The following SPATA31A1 variants were observed in gnomAD, a reference collection of about 807,000 sequenced individuals.
The protein encoded by SPATA31A1 is spermatogenesis-associated protein 31A1.
For missense variants in SPATA31A1, 579 were observed against 1,476.3 expected (o/e 0.39, Z 9.96); for synonymous variants, 194 against 573.4 (o/e 0.34, Z 9.45).
Position 39,358,709 on chromosome 9 carries a change from G to C in SPATA31A1, c.944G>C (p.Gly315Ala), listed in dbSNP as rs1823389542. 1 of 1,607,782 alleles carries C rather than the reference G, an allele frequency of 6.2e-7. No individual in the cohort carries two copies. Among genetic ancestry groups the C allele is most frequent in the Admixed American group, 1.7e-5 (1 of 59,994 alleles). Residue 315 changes from glycine to alanine, a missense_variant, in exon 4 of 4, where the codon GGT becomes GCT. Gly to Ala is a moderately conservative substitution (Grantham distance 60, BLOSUM62 0). Transcript: ENST00000377647. The part of the protein sequence containing the change: ...HPPETYQMEA[G>A]SLFLLSSDGQ... ...CCAGAGACCTACCAGATGGAAGCTG[G>C]TAGCCTGTTTTTGCTCAGCTCTGAT... is the stretch of plus-strand genomic sequence containing the variant.
chr9:39,361,301 AAAGC>A lies in SPATA31A1; in HGVS notation c.3541_3544del (p.Lys1181GlnfsTer12). 1 of 1,613,056 alleles carries A rather than the reference AAAGC, an allele frequency of 6.2e-7. No individual in the cohort carries two copies. Among genetic ancestry groups the A allele is most frequent in the Non-Finnish European group, 8.5e-7 (1 of 1,179,848 alleles). On this transcript the variant is annotated frameshift_variant, in exon 4 of 4. Coordinates refer to ENST00000377647, the MANE Select transcript of SPATA31A1 (RefSeq NM_001085452.4). LOFTEE classifies it low-confidence loss of function (END_TRUNC). Reference sequence around the variant, plus strand: ...TTTCAGTGGATTTTTTCAAAGAAAAAAAGCAAGCCAGCACCAGTCACTGCTGAGA... The same window carrying A: ...TTTCAGTGGATTTTTTCAAAGAAAAAAAGCCAGCACCAGTCACTGCTGAGA...
chr9:39,357,541 T>C (rs1278739872), intron 2 of SPATA31A1: 1 of 620,714 alleles, frequency 1.6e-6, no homozygotes, highest in African/African-American at 2.0e-5. Context: ...GTGAGGACTG[T>C]GGGGGTGGGG....
Position 39,358,609 on chromosome 9 carries a change from C to A in SPATA31A1, c.844C>A (p.Arg282=). Residue 282 remains arginine (R), a synonymous_variant, in exon 4 of 4, where the codon CGG becomes AGG. Transcript: ENST00000377647. ...GSNSHVSASS[R]WQETARTSCA... ...AAACAGTCATGTTTCTGCCTCCTCC[C>A]GGTGGCAGGAGACTGCCAGAACCTC... 2 of 1,600,686 alleles carry A rather than the reference C, an allele frequency of 1.2e-6. No individual in the cohort carries two copies. Among genetic ancestry groups the A allele is most frequent in the Non-Finnish European group, 1.7e-6 (2 of 1,179,076 alleles).
chr9:39,356,467 A>C (rs1458419161), intron 1 of SPATA31A1, among the ~76,000 whole-genome samples: 18 of 125,718 alleles, frequency 1.4e-4, no homozygotes, highest in Non-Finnish European at 1.3e-4. Context: ...GGTGGACCTC[A>C]TATTGAAAAT....
intron 2 of SPATA31A1, 134 bp from the exon 3 acceptor site, chr9:39,357,624 T>C (rs1823360943): frequency 1.0e-5 from 16 of 1,563,210 alleles, no homozygotes; most frequent in African/African-American, 1.4e-5. Flanking sequence ...GTCGGGGTCA[T>C]GTGGCTTTGG....
At position 39,358,804 on chromosome 9, in the gene SPATA31A1, G is replaced by T. The variant is rs1823391544; in HGVS notation, c.1039G>T (p.Val347Phe). The T allele has an allele frequency of 1.3e-6, 2 of 1,598,286 alleles. No homozygotes were observed. The highest frequency in any genetic ancestry group is 1.9e-4 in the Middle Eastern group (1 of 5,188). The change falls in exon 4 of 4, where the codon GTT becomes TTT. Residue 347 changes from valine (V) to phenylalanine (F), a missense_variant. Physicochemically the swap from Val to Phe is conservative, Grantham distance 50. Coordinates refer to ENST00000377647, the MANE Select transcript of SPATA31A1 (RefSeq NM_001085452.4). ...CAACATTTGGGAAGAAAAAGAAAAT[G>T]TTGGATCATTTACAGATCGAATGAC... ...KVNIWEEKEN[V>F]GSFTDRMTPE...
intron 1 of SPATA31A1, among the ~76,000 whole-genome samples, chr9:39,356,513 T>TA (rs1823330759): frequency 7.0e-6 from 1 of 142,844 alleles, no homozygotes; most frequent in Admixed American, 7.1e-5. Context: ...TGTGTGTGTG[T>TA]ATTTTTATTT....
At position 39,361,748 on chromosome 9, in the gene SPATA31A1, C is replaced by G; in HGVS notation, c.3983C>G (p.Ser1328Cys). The G allele has an allele frequency of 3.7e-6, 6 of 1,612,434 alleles. No individual in the cohort carries two copies. In the South Asian group the frequency reaches 6.6e-5, roughly 18 times the overall value. Reference sequence around the variant, plus strand: ...CCCCTTCAGCACTGGCCGAAGACATCCGGTGCCTCTAGCCACCATCACCAC... The same window carrying G: ...CCCCTTCAGCACTGGCCGAAGACATGCGGTGCCTCTAGCCACCATCACCAC... ...VSPLQHWPKTSGASSHHHHCP... is the reference protein window; with the variant it reads ...VSPLQHWPKTCGASSHHHHCP... Residue 1328 changes from serine to cysteine, a missense_variant, in exon 4 of 4, where the codon TCC (serine) becomes TGC (cysteine). Physicochemically the swap from Ser to Cys is moderately radical, Grantham distance 112. Transcript: ENST00000377647.
In SPATA31A1 at chr9:39,357,945, G is replaced by C. The variant is rs1416747991; in HGVS notation, c.308+127G>C. The C allele has an allele frequency of 2.8e-5, 45 of 1,597,194 alleles. No homozygotes were observed. The Middle Eastern group carries it at 6.9e-4, about 24-fold the overall frequency. On this transcript the variant is annotated intron_variant, in intron 3 of 3. Transcript: ENST00000377647. ...TACAGAGGATGGGAGTAAAACCCTG[G>C]GGCGAGGGGTAGCAGGAGAACTGGG...
At chr9:39,357,845 C>T in intron 3 of SPATA31A1, 27 bp downstream of exon 3, 4 of 1,597,076 alleles carry the variant, frequency 2.5e-6, no homozygotes, top group Non-Finnish European at 3.4e-6. Context: ...TCCCTGCATC[C>T]TTCCTACCAG....
At position 39,358,540 on chromosome 9, in the gene SPATA31A1, G is replaced by T; in HGVS notation, c.775G>T (p.Asp259Tyr). ...CCCTCAAAGCTTGTCTCCACATGAGGATTTGGTGGCTTCTGTCCCAGCCAT... is the reference window on the plus strand; with the variant it reads ...CCCTCAAAGCTTGTCTCCACATGAGTATTTGGTGGCTTCTGTCCCAGCCAT... ...TVPQSLSPHE[D>Y]LVASVPAISG... Residue 259 changes from aspartate to tyrosine, a missense_variant, in exon 4 of 4, where the codon GAT (aspartate) becomes TAT (tyrosine). By Grantham distance (160) the Asp-to-Tyr change is radical (BLOSUM62 -3). Transcript: ENST00000377647. The T allele has an allele frequency of 1.9e-6, 3 of 1,584,448 alleles. No homozygotes were observed. The highest frequency in any genetic ancestry group is 2.6e-6 in the Non-Finnish European group (3 of 1,175,676).
chr9:39,357,566 A>T, intron 2 of SPATA31A1, 192 bp from the exon 3 acceptor site: 1 of 873,636 alleles, frequency 1.1e-6, no homozygotes, highest in East Asian at 2.6e-5. Context: ...CGTGTGTGGA[A>T]GCCCTTTGTG....
chr9:39,356,573 T>TTTGAG (rs1823333063), intron 1 of SPATA31A1, among the ~76,000 whole-genome samples: 1 of 50,206 alleles, frequency 2.0e-5, no homozygotes, highest in African/African-American at 8.5e-5. Context: ...TATTTTATTT[T>TTTGAG]ATTTTATTTT....
intron 2 of SPATA31A1, 64 bp from the exon 3 acceptor site, chr9:39,357,694 C>A: frequency 6.5e-7 from 1 of 1,537,532 alleles, no homozygotes; most frequent in Non-Finnish European, 8.9e-7. Flanking sequence ...GAAACAGCCA[C>A]TCAGCCTCCT....
At position 39,358,780 on chromosome 9, in the gene SPATA31A1, A is replaced by G; in HGVS notation, c.1015A>G (p.Asn339Asp). 6.2e-7 allele frequency: 1 copy of G among 1,600,252 alleles called. No individual in the cohort carries two copies. The highest frequency in any genetic ancestry group is 1.7e-5 in the Admixed American group (1 of 60,008). ...ACAAGTCACAGAAACAGCCAAGGTC[A>G]ACATTTGGGAAGAAAAAGAAAATGT... ...GIQVTETAKVNIWEEKENVGS... is the reference protein window; with the variant it reads ...GIQVTETAKVDIWEEKENVGS... The change falls in exon 4 of 4, where the codon AAC (asparagine) becomes GAC (aspartate). Residue 339 changes from asparagine (N) to aspartate (D), a missense_variant. Coordinates refer to ENST00000377647, the MANE Select transcript of SPATA31A1 (RefSeq NM_001085452.4).
Position 39,358,143 on chromosome 9 carries a change from G to A in SPATA31A1, c.378G>A (p.Val126=). Residue 126 remains valine, a synonymous_variant, in exon 4 of 4, where the codon GTG becomes GTA. Coordinates refer to ENST00000377647, the MANE Select transcript of SPATA31A1 (RefSeq NM_001085452.4). ...QLSGPDPPGE[V]GERAPDGASQ... ...CCGGTCCAGACCCCCCAGGTGAAGT[G>A]GGCGAAAGAGCACCTGATGGAGCCT... The A allele has an allele frequency of 1.9e-6, 3 of 1,605,818 alleles. No individual in the cohort carries two copies. The highest frequency in any genetic ancestry group is 2.5e-6 in the Non-Finnish European group (3 of 1,178,248).
Position 39,361,918 on chromosome 9 carries a change from C to T in SPATA31A1, c.*109C>T. 1 of 1,295,606 alleles carries T rather than the reference C, an allele frequency of 7.7e-7. No individual in the cohort carries two copies. The highest frequency in any genetic ancestry group is 1.1e-6 in the Non-Finnish European group (1 of 936,966). 80.3% of individuals were successfully genotyped at this position (1,295,606 alleles called of 1,614,324 possible). A position where few individuals can be genotyped will look rare whatever the true frequency, so the allele number is the denominator to read the frequency against. On this transcript the variant is annotated 3_prime_UTR_variant, in exon 4 of 4. Coordinates refer to ENST00000377647, the MANE Select transcript of SPATA31A1 (RefSeq NM_001085452.4). ...ATATTTTCTCTCATGTTAGTACATGCAGAACATTTAATATACCACAATATA... is the reference window on the plus strand; with the variant it reads ...ATATTTTCTCTCATGTTAGTACATGTAGAACATTTAATATACCACAATATA...
rs1482657081 is a variant in SPATA31A1, at chr9:39,361,888, A to G, written c.*79A>G. On this transcript the variant is annotated 3_prime_UTR_variant, in exon 4 of 4. Transcript: ENST00000377647. Reference sequence around the variant, plus strand: ...AAGAAAAAATTCACTCTATGTAGAGAAAAAATATTTTCTCTCATGTTAGTA... The same window carrying G: ...AAGAAAAAATTCACTCTATGTAGAGGAAAAATATTTTCTCTCATGTTAGTA... 6.3e-4 allele frequency: 993 copies of G among 1,585,258 alleles called. 16 individuals carry two copies. In the African/African-American group the frequency reaches 0.01, roughly 16 times the overall value.
rs1211972805 is a variant in SPATA31A1 at position 39,356,398 on chromosome 9, C to T, written c.189+479C>T. Among the ~76,000 whole-genome samples the T allele has an allele frequency of 4.0e-3, 377 of 93,738 alleles. 5 individuals are homozygous for T. Among genetic ancestry groups the T allele is most frequent in the Middle Eastern group, 0.014 (2 of 146 alleles). The allele number at this position is 93,738 out of a possible 152,430, so 61.5% of individuals were successfully genotyped here. ...AATCCTACCTGATAGCTCAGCAGTG[C>T]CTGCGGGCCTGAACTTGGGTGTTCC... On this transcript the variant is annotated intron_variant, in intron 1 of 3. Transcript: ENST00000377647.
Sources: allele counts gnomAD v4.1 joint callset (sites outside exome capture counted in the v4.1 genomes callset), GRCh38; gene constraint gnomAD v4.1.1; transcripts MANE v1.5; gene names NCBI Gene and HGNC (gene_info 2026-07-23, HGNC 2026-07-21).